The following ARHGEF9 variants were observed in gnomAD, a reference collection of about 807,000 sequenced individuals.
ARHGEF9 encodes rho guanine nucleotide exchange factor 9.
In ARHGEF9, 2 loss-of-function variants were observed where a neutral mutation model predicts 41.3. The ratio of observed to expected loss-of-function variants is 0.05; its 90% confidence interval spans 0.02 to 0.15. The LOEUF is 0.15. Ranked by LOEUF, ARHGEF9 falls within the 10% of genes least tolerant of loss-of-function variation. The pLI is 1.00. For synonymous variants in ARHGEF9, 160 were observed against 154.4 expected, an observed-to-expected ratio of 1.04 and a Z score of -0.27; for missense variants, 225 against 424.7, an observed-to-expected ratio of 0.53 and a Z score of 4.13.
intron 1 of ARHGEF9, among the ~76,000 whole-genome samples, chrX:63,782,407 C>G (rs1470563803): frequency 8.9e-6 from 1 of 112,213 alleles, no homozygotes; most frequent in Admixed American, 9.4e-5. Context: ...GAACAGTGTT[C>G]TTTCCAATTT....
intron 1 of ARHGEF9, among the ~76,000 whole-genome samples, chrX:63,752,029 G>C (rs1320440148): frequency 8.9e-6 from 1 of 111,802 alleles, no homozygotes; most frequent in African/African-American, 3.3e-5. Flanking sequence ...AAGTCAAAAA[G>C]CATTCCCTTA....
intron 1 of ARHGEF9, chrX:63,727,590 T>G (rs1248447365): frequency 8.9e-6 from 1 of 112,019 alleles, no homozygotes; most frequent in Admixed American, 9.5e-5. Flanking sequence ...ATGGTCAGCC[T>G]TCTGGACTAG....
intron 1 of ARHGEF9, among the ~76,000 whole-genome samples, chrX:63,750,824 G>A (rs1556440125): frequency 1.8e-5 from 2 of 111,618 alleles, no homozygotes; most frequent in African/African-American, 6.5e-5. Context: ...TCTCATAGCT[G>A]GACGAGGCTA....
intron 1 of ARHGEF9, among the ~76,000 whole-genome samples, chrX:63,740,625 C>G (rs1487786638): frequency 8.9e-6 from 1 of 111,756 alleles, no homozygotes; most frequent in Non-Finnish European, 1.9e-5. Flanking sequence ...AAAGCCAAAG[C>G]TGAGAAATGG....
Position 63,783,273 on chromosome X carries a change from A to AT in ARHGEF9, c.30+1842dup, listed in dbSNP as rs782452167. Among the ~76,000 whole-genome samples, 750 of 96,443 alleles carry AT rather than the reference A, an allele frequency of 7.8e-3. 6 individuals are homozygous for AT. Among genetic ancestry groups the AT allele is most frequent in the African/African-American group, 0.015 (392 of 26,582 alleles). The allele number at this position is 96,443 out of a possible 115,157, so 83.7% of individuals were successfully genotyped here. ...GACTGGCATGGATTTTTTTCGGGTA[A>AT]TTTTTTTTTTTTTTTTTTGAGATGG... is the stretch of plus-strand genomic sequence containing the variant. On this transcript the variant is annotated intron_variant, in intron 1 of 9. Transcript: ENST00000671741.
At chrX:63,763,713 C>T (rs1277219019) in intron 1 of ARHGEF9, among the ~76,000 whole-genome samples, 3 of 111,350 alleles carry the variant, frequency 2.7e-5, no homozygotes, top group African/African-American at 9.8e-5. Flanking sequence ...CGAGCAAACC[C>T]CTGACTCTCA....
intron 1 of ARHGEF9, among the ~76,000 whole-genome samples, chrX:63,761,542 T>A (rs1556449642): frequency 8.9e-6 from 1 of 111,753 alleles, no homozygotes; most frequent in Non-Finnish European, 1.9e-5. Context: ...TGGAAAGTAT[T>A]CTCTGCTACA....
chrX:63,780,027 C>A (rs782356037), intron 1 of ARHGEF9, among the ~76,000 whole-genome samples: 3 of 111,833 alleles, frequency 2.7e-5, no homozygotes, highest in African/African-American at 6.5e-5. Context: ...TCTAGGAAGA[C>A]TTCTTAAAAA....
At chrX:63,752,630 T>A (rs1465010277) in intron 1 of ARHGEF9, among the ~76,000 whole-genome samples, 1 of 111,231 alleles carries the variant, frequency 9.0e-6, no homozygotes, top group Non-Finnish European at 1.9e-5. Flanking sequence ...CCAGATCATG[T>A]TTACACCATG....
intron 7 of ARHGEF9, among the ~76,000 whole-genome samples, chrX:63,658,260 G>A (rs1556338190): frequency 1.8e-5 from 2 of 112,070 alleles, no homozygotes; most frequent in African/African-American, 6.5e-5. Context: ...TGGTCCCCCA[G>A]AGGGTTAAAT....
intron 4 of ARHGEF9, among the ~76,000 whole-genome samples, chrX:63,684,666 G>A (rs1556373439): frequency 9.2e-6 from 1 of 109,242 alleles, no homozygotes; most frequent in African/African-American, 3.3e-5. Context: ...GAAACTGTCG[G>A]GTGTATATGT....
intron 2 of ARHGEF9, among the ~76,000 whole-genome samples, chrX:63,718,779 G>A (rs145873816): frequency 1.1e-4 from 12 of 111,999 alleles, no homozygotes; most frequent in Non-Finnish European, 1.9e-4. Context: ...TACAGATGCT[G>A]GCCAGGTTCT....
At chrX:63,780,997 A>C (rs2147828931) in intron 1 of ARHGEF9, among the ~76,000 whole-genome samples, 1 of 112,113 alleles carries the variant, frequency 8.9e-6, no homozygotes, top group East Asian at 2.8e-4. Context: ...AATGTGGGTC[A>C]CTTCAATTCT....
At chrX:63,686,323 C>CA (rs2050979178) in intron 4 of ARHGEF9, among the ~76,000 whole-genome samples, 1 of 111,122 alleles carries the variant, frequency 9.0e-6, no homozygotes, top group Admixed American at 9.5e-5. Flanking sequence ...AATTTGAACA[C>CA]ATGGAGGTAG....
intron 1 of ARHGEF9, chrX:63,754,798 C>A: frequency 3.2e-6 from 3 of 942,644 alleles, no homozygotes; most frequent in South Asian, 1.2e-4. Context: ...CAGGATTGGG[C>A]TGATCGTTTG....
At chrX:63,739,322 A>T (rs1168048197) in intron 1 of ARHGEF9, among the ~76,000 whole-genome samples, 1 of 111,444 alleles carries the variant, frequency 9.0e-6, no homozygotes, top group African/African-American at 3.3e-5. Context: ...TGCTTCCAAC[A>T]TGCAGGAGAC....
intron 1 of ARHGEF9, among the ~76,000 whole-genome samples, chrX:63,751,835 C>A (rs1261038181): frequency 9.1e-6 from 1 of 110,296 alleles, no homozygotes; most frequent in African/African-American, 3.3e-5. Context: ...CAGGAGTGTG[C>A]TCCCCCCCAC....
intron 5 of ARHGEF9, among the ~76,000 whole-genome samples, chrX:63,677,479 G>A (rs2050329858): frequency 1.8e-5 from 2 of 111,371 alleles, no homozygotes; most frequent in South Asian, 7.6e-4. Flanking sequence ...CTTCAAATCC[G>A]AGCTACTCTT....
chrX:63,648,689 C>A (rs1556320086), intron 8 of ARHGEF9, among the ~76,000 whole-genome samples: 2 of 111,330 alleles, frequency 1.8e-5, no homozygotes. Context: ...CATCAGTGTG[C>A]TGTATTCAGG....
Sources: allele counts gnomAD v4.1 joint callset (sites outside exome capture counted in the v4.1 genomes callset), GRCh38; gene constraint gnomAD v4.1.1; transcripts MANE v1.5; gene names NCBI Gene and HGNC (gene_info 2026-07-23, HGNC 2026-07-21).